TRHDE: variants seen among roughly 807,000 people sequenced by gnomAD.
TRHDE encodes the protein thyrotropin releasing hormone degrading enzyme.
In TRHDE, 72 loss-of-function variants were observed where a neutral mutation model predicts 125.7. That is an observed-to-expected ratio of 0.57 (90% CI 0.47 to 0.70). The LOEUF is 0.70. TRHDE is among the 30% of genes least tolerant of loss of function. The pLI, the probability that TRHDE is intolerant of heterozygous loss-of-function variation, is 0.00. For missense variants in TRHDE, 1,110 were observed against 1,327.1 expected, an observed-to-expected ratio of 0.84 and a Z score of 2.54; for synonymous variants, 509 against 509.1, an observed-to-expected ratio of 1.00 and a Z score of 0.00.
At chr12:72,444,450 C>A (rs2135860430) in intron 3 of TRHDE, among the ~76,000 whole-genome samples, 1 of 151,864 alleles carries the variant, frequency 6.6e-6, no homozygotes, top group African/African-American at 2.4e-5. Context: ...GCATACCCAA[C>A]ATTTTTTTTT....
chr12:72,124,789 G>C (rs1171372133), intron 2 of TRHDE, among the ~76,000 whole-genome samples: 1 of 152,106 alleles, frequency 6.6e-6, no homozygotes, highest in Non-Finnish European at 1.5e-5. Flanking sequence ...CATGTCTGTA[G>C]TCCCAGCTTT....
chr12:72,421,109 G>A (rs889706968), intron 3 of TRHDE, among the ~76,000 whole-genome samples: 3 of 151,964 alleles, frequency 2.0e-5, no homozygotes, highest in Non-Finnish European at 2.9e-5. Context: ...TAGGTTGAAC[G>A]TTCCAGTTAT....
intron 5 of TRHDE, 110 bp downstream of exon 5, chr12:72,473,290 T>C: frequency 1.3e-6 from 1 of 754,726 alleles, no homozygotes. Flanking sequence ...TGCATGAAAA[T>C]GTATCAATAA....
At chr12:72,568,686 A>T (rs2136018984) in intron 10 of TRHDE, 30 bp downstream of exon 10, 1 of 1,485,492 alleles carries the variant, frequency 6.7e-7, no homozygotes. Flanking sequence ...CTGAGGAAGT[A>T]TCTGGTTTCA....
At chr12:72,160,683 A>G (rs1201893484) in intron 2 of TRHDE, among the ~76,000 whole-genome samples, 1 of 151,988 alleles carries the variant, frequency 6.6e-6, no homozygotes, top group Non-Finnish European at 1.5e-5. Flanking sequence ...GCGAAACTCC[A>G]TCTAAACAAA....
chr12:72,423,799 G>A (rs781174460), intron 3 of TRHDE, among the ~76,000 whole-genome samples: 36 of 152,220 alleles, frequency 2.4e-4, no homozygotes, highest in Non-Finnish European at 4.7e-4. Flanking sequence ...CTTTAAAAGT[G>A]GAAGAGGAAG....
chr12:72,566,986 A>T (rs1445297068), intron 9 of TRHDE, among the ~76,000 whole-genome samples: 1 of 151,918 alleles, frequency 6.6e-6, no homozygotes, highest in Non-Finnish European at 1.5e-5. Flanking sequence ...TGAGAATCAG[A>T]CTCATAGTTG....
chr12:72,199,036 GAATAGCATGGGGAAAA>G (rs1877501551), intron 2 of TRHDE, among the ~76,000 whole-genome samples: 5 of 152,108 alleles, frequency 3.3e-5, no homozygotes, highest in Non-Finnish European at 7.4e-5. Flanking sequence ...ACTATCATGA[GAATAGCATGGGGAAAA>G]TCCATCCCTA....
chr12:72,392,478 TTTTCATA>T, intron 3 of TRHDE, among the ~76,000 whole-genome samples: 1 of 152,102 alleles, frequency 6.6e-6, no homozygotes, highest in Non-Finnish European at 1.5e-5. Context: ...TAGAAAAAAA[TTTTCATA>T]ATGTAAAGAC....
At chr12:72,351,603 C>G (rs969482438) in intron 2 of TRHDE, among the ~76,000 whole-genome samples, 10 of 151,938 alleles carry the variant, frequency 6.6e-5, no homozygotes, top group African/African-American at 2.4e-4. Flanking sequence ...CTGAGCCTCT[C>G]TTTATCTCCA....
At chr12:72,558,990 G>A (rs2367750) in intron 7 of TRHDE, among the ~76,000 whole-genome samples, 40,205 of 151,708 alleles carry the variant, frequency 0.27, 8,006 homozygotes, top group African/African-American at 0.54. Context: ...GAGTTCCAAT[G>A]TTCTGATTTC....
At chr12:72,159,162 A>G (rs1876581463) in intron 2 of TRHDE, among the ~76,000 whole-genome samples, 1 of 152,232 alleles carries the variant, frequency 6.6e-6, no homozygotes, top group Admixed American at 6.5e-5. Flanking sequence ...CTAAGAACAC[A>G]GTGGTCAACC....
At chr12:72,164,475 G>A (rs936423954) in intron 2 of TRHDE, among the ~76,000 whole-genome samples, 3 of 152,156 alleles carry the variant, frequency 2.0e-5, no homozygotes, top group Non-Finnish European at 4.4e-5. Flanking sequence ...GGTCTTACAT[G>A]CAGGGGAGAG....
chr12:72,421,077 C>A (rs1259615440), intron 3 of TRHDE, among the ~76,000 whole-genome samples: 2 of 151,832 alleles, frequency 1.3e-5, no homozygotes, highest in African/African-American at 2.4e-5. Context: ...GGATTGGTAT[C>A]ATTTCTATAC....
intron 6 of TRHDE, among the ~76,000 whole-genome samples, chr12:72,505,670 T>C (rs1878327381): frequency 6.6e-6 from 1 of 152,204 alleles, no homozygotes. Context: ...AATTAGCAAG[T>C]GAAAAAATCT....
chr12:72,185,946 G>A (rs930561494), intron 2 of TRHDE, among the ~76,000 whole-genome samples: 5 of 152,052 alleles, frequency 3.3e-5, no homozygotes, highest in African/African-American at 1.2e-4. Context: ...TGATGGGGAC[G>A]TGGAGAACCT....
chr12:72,517,894 C>T (rs1209985211), intron 6 of TRHDE, among the ~76,000 whole-genome samples: 1 of 151,930 alleles, frequency 6.6e-6, no homozygotes, highest in East Asian at 1.9e-4. Context: ...GCCTTCATTT[C>T]ATTATGTACC....
chr12:72,430,341 ATATACATG>A (rs1293434124), intron 3 of TRHDE, among the ~76,000 whole-genome samples: 4 of 145,672 alleles, frequency 2.7e-5, no homozygotes, highest in Non-Finnish European at 6.0e-5. Flanking sequence ...ATACATGTAT[ATATACATG>A]TATACATATA....
At chr12:72,647,561 G>C (rs1023840016) in intron 15 of TRHDE, among the ~76,000 whole-genome samples, 2 of 151,704 alleles carry the variant, frequency 1.3e-5, no homozygotes, top group Non-Finnish European at 2.9e-5. Flanking sequence ...AAAGAGAGAA[G>C]ACTCAAATAA....
Sources: gnomAD v4.1 joint callset for allele counts (sites outside exome capture counted in the v4.1 genomes callset) on GRCh38, gnomAD v4.1.1 for gene constraint, MANE v1.5 for transcripts, NCBI Gene and HGNC (gene_info 2026-07-23, HGNC 2026-07-21) for gene names.